The following ATXN7L1 variants were observed in gnomAD, a reference collection of about 807,000 sequenced individuals.
The protein encoded by ATXN7L1 is ataxin 7 like 1, also known as ataxin-7-like protein 1.
In ATXN7L1, 15 loss-of-function variants were observed where a neutral mutation model predicts 70.8. That is an observed-to-expected ratio of 0.21 (90% CI 0.14 to 0.33). The LOEUF is 0.33. ATXN7L1 is among the 10% of genes least tolerant of loss of function. ATXN7L1 has a pLI of 1.00. For missense variants in ATXN7L1, 975 were observed against 1,097.1 expected, an observed-to-expected ratio of 0.89 and a Z score of 1.57; for synonymous variants, 440 against 445.1, an observed-to-expected ratio of 0.99 and a Z score of 0.14.
At chr7:105,702,398 A>C (rs1792563653) in intron 3 of ATXN7L1, among the ~76,000 whole-genome samples, 1 of 152,172 alleles carries the variant, frequency 6.6e-6, no homozygotes, top group Non-Finnish European at 1.5e-5. Flanking sequence ...ATAATTTATC[A>C]TCCCAACTAG....
chr7:105,829,413 T>C (rs1251600955), intron 2 of ATXN7L1, among the ~76,000 whole-genome samples: 1 of 151,994 alleles, frequency 6.6e-6, no homozygotes, highest in Non-Finnish European at 1.5e-5. Flanking sequence ...ATTGCACTCA[T>C]TGCACTCCAG....
chr7:105,760,010 T>A (rs1158366523), intron 3 of ATXN7L1, among the ~76,000 whole-genome samples: 1 of 152,140 alleles, frequency 6.6e-6, no homozygotes, highest in Non-Finnish European at 1.5e-5. Flanking sequence ...TTTTCCCCCC[T>A]CATTCTCCTG....
intron 3 of ATXN7L1, among the ~76,000 whole-genome samples, chr7:105,718,225 T>G (rs1024064500): frequency 2.0e-5 from 3 of 152,200 alleles, no homozygotes; most frequent in Non-Finnish European, 2.9e-5. Flanking sequence ...ACCTTCCCAG[T>G]TAATCAGCTA....
chr7:105,630,379 C>T (rs1034035662), intron 7 of ATXN7L1, among the ~76,000 whole-genome samples: 1 of 152,180 alleles, frequency 6.6e-6, no homozygotes, highest in African/African-American at 2.4e-5. Flanking sequence ...TCCTAACATC[C>T]ATTTAACTCC....
chr7:105,679,304 G>A (rs1805216197), intron 3 of ATXN7L1: 2 of 268,842 alleles, frequency 7.4e-6, no homozygotes, highest in Non-Finnish European at 1.1e-5. Context: ...CACAAGGTGT[G>A]GTCAGAGGCA....
chr7:105,621,047 T>A (rs961020869), intron 8 of ATXN7L1, among the ~76,000 whole-genome samples: 1 of 152,186 alleles, frequency 6.6e-6, no homozygotes, highest in African/African-American at 2.4e-5. Flanking sequence ...GTGTCCCAGG[T>A]CCCACCTTTC....
At chr7:105,835,711 CTGGCCAACAAGAG>C (rs1426161326) in intron 2 of ATXN7L1, among the ~76,000 whole-genome samples, 11 of 152,266 alleles carry the variant, frequency 7.2e-5, no homozygotes, top group African/African-American at 2.4e-4. Context: ...AGTTTCTCTT[CTGGCCAACAAGAG>C]CTTTTCTGAC....
chr7:105,703,188 C>T (rs950715219), intron 3 of ATXN7L1, among the ~76,000 whole-genome samples: 1 of 151,926 alleles, frequency 6.6e-6, no homozygotes, highest in East Asian at 1.9e-4. Flanking sequence ...CCTGTAATCC[C>T]AGCTACTCAG....
intron 3 of ATXN7L1, among the ~76,000 whole-genome samples, chr7:105,733,530 C>T (rs67969158): frequency 0.22 from 13,837 of 63,208 alleles, 1,367 homozygotes; most frequent in African/African-American, 0.34. Context: ...ATCCATCCAT[C>T]CATCCATCCA....
At chr7:105,657,561 G>C (rs1800856472) in intron 4 of ATXN7L1, among the ~76,000 whole-genome samples, 2 of 151,910 alleles carry the variant, frequency 1.3e-5, no homozygotes, top group African/African-American at 4.8e-5. Flanking sequence ...GCCAGGCACA[G>C]TAGTGTGTGC....
At chr7:105,823,107 T>A (rs78584716) in intron 2 of ATXN7L1, among the ~76,000 whole-genome samples, 6 of 151,816 alleles carry the variant, frequency 4.0e-5, no homozygotes, top group Non-Finnish European at 8.8e-5. Flanking sequence ...TTTTTTTTTT[T>A]ATATTATTAG....
chr7:105,756,065 TC>T (rs1368901719), intron 3 of ATXN7L1, among the ~76,000 whole-genome samples: 3 of 152,084 alleles, frequency 2.0e-5, no homozygotes, highest in Admixed American at 6.5e-5. Flanking sequence ...TGCATTTCAG[TC>T]CTCCCATTTT....
intron 2 of ATXN7L1, chr7:105,820,126 CAAAAAAA>C (rs562797891): frequency 0.011 from 700 of 64,236 alleles, 11 homozygotes; most frequent in East Asian, 0.019. Flanking sequence ...GTTTATTCCT[CAAAAAAA>C]AAAAAAAAAA....
At chr7:105,685,178 A>T (rs1414227584) in intron 3 of ATXN7L1, among the ~76,000 whole-genome samples, 3 of 152,160 alleles carry the variant, frequency 2.0e-5, no homozygotes, top group Non-Finnish European at 4.4e-5. Context: ...GAGCACTGAC[A>T]TCCAAGAGCT....
rs1456735369 is a variant in ATXN7L1 at position 105,614,072 on chromosome 7, T to G, written c.2262A>C (p.Ala754=). Residue 754 remains alanine (A), a synonymous_variant, in exon 10 of 12, where the codon GCA becomes GCC. Coordinates refer to ENST00000419735, the MANE Select transcript of ATXN7L1 (RefSeq NM_020725.2). This position sits in a 1 kb window ranked among gnomAD's most constrained non-coding sequence, Gnocchi z 4.3. ...PLSVPSLALH[A]GDLSLASHNA... is the part of the protein sequence containing the mutation. ...TGTGTGAGGCCAGAGAGAGGTCCCCTGCGTGGAGCGCAAGGGAGGGCACAG... is the reference window on the plus strand; with the variant it reads ...TGTGTGAGGCCAGAGAGAGGTCCCCGGCGTGGAGCGCAAGGGAGGGCACAG... The G allele has an allele frequency of 6.4e-7, 1 of 1,551,828 alleles. No individual in the cohort carries two copies. Among genetic ancestry groups the G allele is most frequent in the South Asian group, 1.2e-5 (1 of 84,064 alleles).
At chr7:105,761,542 T>A in intron 3 of ATXN7L1, 7 of 1,559,056 alleles carry the variant, frequency 4.5e-6, no homozygotes, top group Non-Finnish European at 6.1e-6. Context: ...TTGTAAATGA[T>A]TACTCATGCC....
chr7:105,753,839 A>G (rs1427498742), intron 3 of ATXN7L1, among the ~76,000 whole-genome samples: 1 of 152,204 alleles, frequency 6.6e-6, no homozygotes, highest in Admixed American at 6.5e-5. Context: ...TTTCAGAATC[A>G]TATTTTCAGC....
chr7:105,685,523 CCT>C (rs1444446481), intron 3 of ATXN7L1, among the ~76,000 whole-genome samples: 1 of 152,128 alleles, frequency 6.6e-6, no homozygotes, highest in African/African-American at 2.4e-5. Context: ...GCAATCATCT[CCT>C]CTCTCATCTC....
chr7:105,861,104 G>A (rs924127585), intron 2 of ATXN7L1, among the ~76,000 whole-genome samples: 2 of 152,086 alleles, frequency 1.3e-5, no homozygotes, highest in African/African-American at 4.8e-5. Flanking sequence ...GGGGAGAAGG[G>A]GAAGACACTA....
Sources: allele counts gnomAD v4.1 joint callset (sites outside exome capture counted in the v4.1 genomes callset), GRCh38; gene constraint gnomAD v4.1.1; non-coding constraint Gnocchi (gnomAD v3.1); transcripts MANE v1.5; gene names NCBI Gene and HGNC (gene_info 2026-07-23, HGNC 2026-07-21).